The following TTC7A variants were observed in gnomAD, a reference collection of about 807,000 sequenced individuals.
TTC7A encodes the protein tetratricopeptide repeat domain 7A.
A neutral mutation model predicts 103.7 loss-of-function variants in TTC7A; 110 were observed. That is an observed-to-expected ratio of 1.06 (90% CI 0.91 to 1.24). The LOEUF is 1.24. Among genes scored for constraint, TTC7A ranks in the 50% most tolerant of loss-of-function variants. The pLI is 0.00. For synonymous variants in TTC7A, 521 were observed against 467.9 expected (o/e 1.11, Z -1.47); for missense variants, 1,340 against 1,116.3 (o/e 1.20, Z -2.86).
At chr2:46,993,373 G>A (rs990678566) in intron 5 of TTC7A, 77 bp from the exon 6 acceptor site, 2 of 1,384,010 alleles carry the variant, frequency 1.4e-6, no homozygotes, top group Admixed American at 1.7e-5. Flanking sequence ...TCCTCCTGGG[G>A]TCTGCTGGTG....
chr2:46,966,893 G>GT (rs1221946359), intron 3 of TTC7A, among the ~76,000 whole-genome samples: 29 of 78,190 alleles, frequency 3.7e-4, no homozygotes, highest in Admixed American at 1.4e-3. Context: ...AATTGCCTGT[G>GT]TTTTTTGTTT....
chr2:47,025,437 G>A (rs1679790934), intron 14 of TTC7A, among the ~76,000 whole-genome samples: 1 of 152,190 alleles, frequency 6.6e-6, no homozygotes, highest in African/African-American at 2.4e-5. Flanking sequence ...CCGGGGCTTG[G>A]TCTTATGGTC....
In TTC7A at chr2:47,047,300, C is replaced by T. The variant is rs1230826905; in HGVS notation, c.1919+869C>T. On this transcript the variant is annotated intron_variant, in intron 16 of 19. Coordinates refer to ENST00000319190, the MANE Select transcript of TTC7A (RefSeq NM_020458.4). ...GAGCCCAGAAGGCTTCCAGACTCCC[C>T]AGAGGAACATCTGTAACAGTGAAAT... 1.9e-6 allele frequency: 3 copies of T among 1,549,870 alleles called. No individual in the cohort carries two copies. The highest frequency in any genetic ancestry group is 2.4e-5 in the East Asian group (1 of 40,910).
intron 1 of TTC7A, among the ~76,000 whole-genome samples, chr2:46,949,866 ACT>A (rs1390076802): frequency 6.6e-6 from 1 of 152,120 alleles, no homozygotes; most frequent in Non-Finnish European, 1.5e-5. Flanking sequence ...GCAGAGTGAG[ACT>A]CTGTTTAAAA....
At chr2:46,931,247 TA>T (rs200943196) in intron 2 of TTC7A, among the ~76,000 whole-genome samples, 3 of 152,172 alleles carry the variant, frequency 2.0e-5, no homozygotes, top group Non-Finnish European at 4.4e-5. Flanking sequence ...CCTAGCTAAT[TA>T]AAAAAAATTT....
intron 14 of TTC7A, among the ~76,000 whole-genome samples, chr2:47,026,118 G>A (rs1363487974): frequency 6.6e-6 from 1 of 152,154 alleles, no homozygotes; most frequent in African/African-American, 2.4e-5. Context: ...GCAGCCTCAG[G>A]GAGTTGAGAA....
At chr2:47,010,149 G>GTAAAAATTAAATCAATT (rs1047664221) in intron 10 of TTC7A, among the ~76,000 whole-genome samples, 1 of 151,978 alleles carries the variant, frequency 6.6e-6, no homozygotes, top group African/African-American at 2.4e-5. Flanking sequence ...TAAATCACTT[G>GTAAAAATTAAATCAATT]GTATTTAAAA....
intron 12 of TTC7A, among the ~76,000 whole-genome samples, chr2:47,023,121 C>T (rs575788870): frequency 1.3e-5 from 2 of 152,326 alleles, no homozygotes; most frequent in South Asian, 4.1e-4. Flanking sequence ...AAGGCTTGGG[C>T]CTCCTGGGTG....
At chr2:47,067,559 T>G (rs1684282120) in intron 19 of TTC7A, among the ~76,000 whole-genome samples, 1 of 152,152 alleles carries the variant, frequency 6.6e-6, no homozygotes, top group Non-Finnish European at 1.5e-5. Flanking sequence ...CTGGGATGGT[T>G]TTTAAAATGA....
intron 2 of TTC7A, chr2:46,917,420 C>G (rs1668868746): frequency 1.8e-6 from 1 of 564,810 alleles, no homozygotes; most frequent in Non-Finnish European, 3.1e-6. Context: ...ATTCATCCAT[C>G]TCTTCATCCA....
intron 4 of TTC7A, among the ~76,000 whole-genome samples, chr2:46,975,735 A>C (rs920711261): frequency 4.0e-5 from 6 of 150,946 alleles, no homozygotes; most frequent in African/African-American, 9.7e-5. Context: ...CATTTTATTT[A>C]TTTATTATTA....
intron 11 of TTC7A, among the ~76,000 whole-genome samples, chr2:47,020,083 T>G (rs929064485): frequency 2.0e-5 from 3 of 152,126 alleles, no homozygotes; most frequent in South Asian, 4.1e-4. Context: ...GGTGTGTGCC[T>G]CCTGTGTCAG....
chr2:47,003,891 T>A (rs59586041), intron 8 of TTC7A, among the ~76,000 whole-genome samples: 5 of 152,028 alleles, frequency 3.3e-5, no homozygotes. Flanking sequence ...GTGGAGTGGG[T>A]CAGTACATCG....
intron 3 of TTC7A, among the ~76,000 whole-genome samples, chr2:46,972,259 A>G (rs1411943636): frequency 6.6e-6 from 1 of 150,444 alleles, no homozygotes; most frequent in African/African-American, 2.4e-5. Flanking sequence ...AATTTCTAGT[A>G]AGGCTAACAA....
intron 4 of TTC7A, among the ~76,000 whole-genome samples, chr2:46,976,878 G>A (rs1162577260): frequency 1.3e-5 from 2 of 152,208 alleles, no homozygotes; most frequent in African/African-American, 4.8e-5. Context: ...GAGGAAAGGA[G>A]AAATGACCGA....
chr2:47,000,123 C>G (rs557548503), intron 8 of TTC7A, among the ~76,000 whole-genome samples: 51 of 152,240 alleles, frequency 3.3e-4, no homozygotes, highest in African/African-American at 1.1e-3. Context: ...GTGCCTGGTA[C>G]ATTTTGGTTG....
Position 47,075,813 on chromosome 2 carries a change from G to C in TTC7A, c.*1890G>C, listed in dbSNP as rs1437725724. On this transcript the variant is annotated 3_prime_UTR_variant, in exon 20 of 20. Coordinates refer to ENST00000319190, the MANE Select transcript of TTC7A (RefSeq NM_020458.4). ...CTGGAGAGGGTAGGAGGAGGCAAGAGGGGTCCAGGCAGGGCTGATCCTGGC... is the reference window on the plus strand; with the variant it reads ...CTGGAGAGGGTAGGAGGAGGCAAGACGGGTCCAGGCAGGGCTGATCCTGGC... 2 of 152,478 alleles carry C rather than the reference G, an allele frequency of 1.3e-5. No homozygotes were observed. The highest frequency in any genetic ancestry group is 2.4e-5 in the African/African-American group (1 of 41,464). 9.4% of individuals were successfully genotyped at this position (152,478 alleles called of 1,614,324 possible).
chr2:47,030,034 G>A (rs1680360431), intron 15 of TTC7A, among the ~76,000 whole-genome samples: 1 of 117,216 alleles, frequency 8.5e-6, no homozygotes, highest in Non-Finnish European at 1.7e-5. Flanking sequence ...GAGTTAGGGG[G>A]AGTCTTGATT....
chr2:47,008,634 C>A (rs541413338), intron 10 of TTC7A, among the ~76,000 whole-genome samples: 1 of 152,192 alleles, frequency 6.6e-6, no homozygotes, highest in African/African-American at 2.4e-5. Flanking sequence ...GCATTCTCCA[C>A]CCCCCTTGGG....
Sources: allele counts gnomAD v4.1 joint callset (sites outside exome capture counted in the v4.1 genomes callset), GRCh38; gene constraint gnomAD v4.1.1; transcripts MANE v1.5; gene names NCBI Gene and HGNC (gene_info 2026-07-23, HGNC 2026-07-21).